Variants in SOBP observed in about 807,000 individuals in gnomAD.
The protein encoded by SOBP is sine oculis binding protein homolog.
Under a neutral mutation model 53.6 loss-of-function variants are expected in SOBP, and 4 were observed. That is an observed-to-expected ratio of 0.07 (90% CI 0.04 to 0.17). SOBP has a LOEUF of 0.17. SOBP is among the 10% of genes least tolerant of loss of function. SOBP has a pLI of 1.00. For missense variants in SOBP, 1,088 were observed against 1,204.7 expected, an observed-to-expected ratio of 0.90 and a Z score of 1.43; for synonymous variants, 584 against 522.6, an observed-to-expected ratio of 1.12 and a Z score of -1.60.
In SOBP at chr6:107,635,634, T is replaced by C. The variant is rs1437757881; in HGVS notation, c.*3+165T>C. ...CAACATTCTGAGCCAGCAGCTCTGA[T>C]GCTGAGTTGTTCAGTAGCATCATTC... On this transcript the variant is annotated intron_variant, in intron 6 of 6. Coordinates refer to ENST00000317357, the MANE Select transcript of SOBP (RefSeq NM_018013.4). This position sits in a 1 kb window ranked among gnomAD's most constrained non-coding sequence, Gnocchi z 4.5. 6.6e-6 allele frequency among the ~76,000 whole-genome samples: 1 copy of C among 152,214 alleles called. No individual in the cohort carries two copies. Among genetic ancestry groups the C allele is most frequent in the Non-Finnish European group, 1.5e-5 (1 of 68,038 alleles).
At chr6:107,551,615 G>A (rs1346686732) in intron 4 of SOBP, among the ~76,000 whole-genome samples, 3 of 152,026 alleles carry the variant, frequency 2.0e-5, no homozygotes, top group African/African-American at 2.4e-5. Context: ...TTTAGAATAC[G>A]CAAAACAGGG....
intron 4 of SOBP, among the ~76,000 whole-genome samples, chr6:107,535,251 A>G (rs918136846): frequency 2.0e-5 from 3 of 152,186 alleles, no homozygotes; most frequent in East Asian, 1.9e-4. Context: ...CCAGAATACC[A>G]TATCTATATC....
rs1351179301 is a variant in SOBP, at chr6:107,529,333, G to A, written c.422-4126G>A. On this transcript the variant is annotated intron_variant, in intron 3 of 6. Coordinates refer to ENST00000317357, the MANE Select transcript of SOBP (RefSeq NM_018013.4). Reference sequence around the variant, plus strand: ...CAAGTAGATTGACACAGTGCAGCCCGGCCATGGGCCATTTCATGTCATTTC... The same window carrying A: ...CAAGTAGATTGACACAGTGCAGCCCAGCCATGGGCCATTTCATGTCATTTC... The A allele has an allele frequency of 2.9e-5, 12 of 408,414 alleles. No homozygotes were observed. In the South Asian group the frequency reaches 8.2e-4, roughly 28 times the overall value. 25.3% of individuals were successfully genotyped at this position (408,414 alleles called of 1,614,324 possible). A position where few individuals can be genotyped will look rare whatever the true frequency, so the allele number is the denominator to read the frequency against.
intron 4 of SOBP, among the ~76,000 whole-genome samples, chr6:107,582,856 C>T (rs1785444943): frequency 6.6e-6 from 1 of 152,138 alleles, no homozygotes; most frequent in African/African-American, 2.4e-5. Flanking sequence ...TGGGGTGGTC[C>T]ACTCTCAAGA....
intron 5 of SOBP, among the ~76,000 whole-genome samples, chr6:107,607,387 T>C (rs914749077): frequency 7.2e-5 from 11 of 152,240 alleles, no homozygotes; most frequent in Non-Finnish European, 1.2e-4. Context: ...TGGTCTGTTA[T>C]CATTCAGCTC....
At chr6:107,647,550 G>A (rs920552425) in intron 6 of SOBP, among the ~76,000 whole-genome samples, 3 of 152,240 alleles carry the variant, frequency 2.0e-5, no homozygotes, top group Non-Finnish European at 4.4e-5. Flanking sequence ...TCCCTTGGAT[G>A]TGTAATGGAA....
intron 3 of SOBP, among the ~76,000 whole-genome samples, chr6:107,531,988 A>C (rs1195319573): frequency 6.6e-6 from 1 of 152,154 alleles, no homozygotes. Context: ...CACTGCCTCA[A>C]ACCAAATCTT....
chr6:107,596,595 A>T (rs974481763), intron 5 of SOBP, among the ~76,000 whole-genome samples: 1 of 152,248 alleles, frequency 6.6e-6, no homozygotes, highest in East Asian at 1.9e-4. Flanking sequence ...CAATTAAGAC[A>T]TACCCCAGAT....
rs200856341 is a variant in SOBP, at chr6:107,635,307, G to C, written c.2463G>C (p.Leu821=). ...DEDHAYALRM[L]PKTGCVIQPV... ...ACCATGCCTATGCTCTGCGGATGCT[G>C]CCCAAGACCGGCTGCGTGATCCAGC... is the stretch of plus-strand genomic sequence containing the variant. The change falls in exon 6 of 7, where the codon CTG becomes CTC. Residue 821 remains leucine (L), a synonymous_variant. Transcript: ENST00000317357. The surrounding 1 kb of genome is among the most constrained non-coding windows in gnomAD (Gnocchi z 4.5). The C allele has an allele frequency of 1.1e-4, 184 of 1,613,836 alleles. No homozygotes were observed. The East Asian group carries it at 3.4e-3, about 30-fold the overall frequency.
chr6:107,546,970 A>G lies in SOBP; in HGVS notation c.573+13360A>G, dbSNP rs116726129. On this transcript the variant is annotated intron_variant, in intron 4 of 6. Coordinates refer to ENST00000317357, the MANE Select transcript of SOBP (RefSeq NM_018013.4). ...AGGAGTGGATGATATTCCTCAGGGTAGAGAAATTAATAGTGTACCATCCCA... is the reference window on the plus strand; with the variant it reads ...AGGAGTGGATGATATTCCTCAGGGTGGAGAAATTAATAGTGTACCATCCCA... Among the ~76,000 whole-genome samples, 908 of 152,272 alleles carry G rather than the reference A, an allele frequency of 6.0e-3. 3 individuals are homozygous for G. The highest frequency in any genetic ancestry group is 0.021 in the African/African-American group (862 of 41,544).
intron 5 of SOBP, among the ~76,000 whole-genome samples, chr6:107,601,599 G>A (rs367631449): frequency 6.6e-6 from 1 of 152,178 alleles, no homozygotes; most frequent in Non-Finnish European, 1.5e-5. Flanking sequence ...AGCAGGGCAG[G>A]CCAGTGCCTC....
intron 6 of SOBP, among the ~76,000 whole-genome samples, chr6:107,655,403 G>GC (rs1273908128): frequency 6.6e-6 from 1 of 152,032 alleles, no homozygotes; most frequent in African/African-American, 2.4e-5. Context: ...CTTCAATACC[G>GC]CCCCCTCCTC....
intron 4 of SOBP, among the ~76,000 whole-genome samples, chr6:107,581,115 A>G (rs915222098): frequency 6.6e-6 from 1 of 152,210 alleles, no homozygotes; most frequent in South Asian, 2.1e-4. Flanking sequence ...TTCCACACTC[A>G]AGGACCTGTT....
chr6:107,619,680 C>A (rs1044149104), intron 5 of SOBP, among the ~76,000 whole-genome samples: 5 of 152,060 alleles, frequency 3.3e-5, no homozygotes, highest in Non-Finnish European at 5.9e-5. Context: ...TATGGAGACC[C>A]TCAGAAATAG....
At chr6:107,575,321 G>T (rs967831765) in intron 4 of SOBP, among the ~76,000 whole-genome samples, 41 of 152,246 alleles carry the variant, frequency 2.7e-4, no homozygotes, top group Middle Eastern at 6.8e-3. Context: ...TGTCAAAGTG[G>T]CTTCTATATT....
intron 5 of SOBP, among the ~76,000 whole-genome samples, chr6:107,605,852 T>C (rs1443698810): frequency 1.3e-5 from 2 of 152,184 alleles, no homozygotes; most frequent in Non-Finnish European, 2.9e-5. Flanking sequence ...CCAGACCTCC[T>C]GAATCTCAGC....
intron 3 of SOBP, among the ~76,000 whole-genome samples, chr6:107,518,337 A>C (rs1205908925): frequency 6.6e-6 from 1 of 152,306 alleles, no homozygotes; most frequent in Middle Eastern, 3.4e-3. Flanking sequence ...GAAGATTGAC[A>C]ATACCAAGTT....
chr6:107,617,820 CTTTTTTTTTTTTT>C (rs71551315), intron 5 of SOBP, among the ~76,000 whole-genome samples: 1 of 101,188 alleles, frequency 9.9e-6, no homozygotes, highest in African/African-American at 3.8e-5. Context: ...TGTATGACTC[CTTTTTTTTTTTTT>C]TTTTTTTTTT....
chr6:107,637,409 A>G (rs1413164591), intron 6 of SOBP, among the ~76,000 whole-genome samples: 1 of 152,268 alleles, frequency 6.6e-6, no homozygotes, highest in Non-Finnish European at 1.5e-5. Context: ...CTTTGCCAGT[A>G]GAGGAAGAAT....
Sources: allele counts gnomAD v4.1 joint callset (sites outside exome capture counted in the v4.1 genomes callset), GRCh38; gene constraint gnomAD v4.1.1; non-coding constraint Gnocchi (gnomAD v3.1); transcripts MANE v1.5; gene names NCBI Gene and HGNC (gene_info 2026-07-23, HGNC 2026-07-21).